ACOX3: variants seen among roughly 807,000 people sequenced by gnomAD.
ACOX3 encodes the protein acyl-CoA oxidase 3, pristanoyl.
In ACOX3, 73 loss-of-function variants were observed where a neutral mutation model predicts 81.5. The observed-to-expected ratio is 0.90, with a 90% CI of 0.74 to 1.09. The LOEUF (loss-of-function observed/expected upper bound fraction) is 1.09, where lower values mean the gene tolerates loss of function less well. ACOX3 is among the 50% of genes least tolerant of loss of function. The pLI is 0.00. For synonymous variants in ACOX3, 387 were observed against 375.1 expected, an observed-to-expected ratio of 1.03 and a Z score of -0.37; for missense variants, 947 against 928.0, an observed-to-expected ratio of 1.02 and a Z score of -0.27.
intron 17 of ACOX3, among the ~76,000 whole-genome samples, chr4:8,369,239 G>A (rs1419016616): frequency 1.3e-5 from 2 of 152,146 alleles, no homozygotes; most frequent in Non-Finnish European, 2.9e-5. Context: ...TGGCTCCAGT[G>A]TCCCTTCGAA....
downstream of ACOX3, among the ~76,000 whole-genome samples, chr4:8,363,148 T>A (rs977206953): frequency 3.3e-5 from 5 of 152,226 alleles, no homozygotes; most frequent in Non-Finnish European, 7.3e-5. Context: ...GAGGGATGGA[T>A]AATGTAAACA....
chr4:8,373,144 A>T (rs561260605), intron 16 of ACOX3, among the ~76,000 whole-genome samples: 5 of 152,234 alleles, frequency 3.3e-5, no homozygotes, highest in Non-Finnish European at 7.3e-5. Context: ...CCGAATGCTC[A>T]GAGAATTCTC....
At chr4:8,422,189 AG>A (rs889533129) in intron 1 of ACOX3, among the ~76,000 whole-genome samples, 12 of 152,072 alleles carry the variant, frequency 7.9e-5, no homozygotes, top group Non-Finnish European at 1.8e-4. Context: ...AGAAAGAGAG[AG>A]GGGGGAAGAA....
chr4:8,389,736 T>G lies in ACOX3; in HGVS notation c.1301-2A>C. 10 of 1,613,822 alleles carry G rather than the reference T, an allele frequency of 6.2e-6. No individual in the cohort carries two copies. The highest frequency in any genetic ancestry group is 7.6e-6 in the Non-Finnish European group (9 of 1,179,906). On this transcript the variant is annotated splice_acceptor_variant, in intron 11 of 17. Transcript: ENST00000356406. LOFTEE classifies it high-confidence loss of function. This position sits in a 1 kb window ranked among gnomAD's most constrained non-coding sequence, Gnocchi z 5.3. ...CTCTAAGGACACCCAACCGGTTCACTGCAACAAAGCCACAATAGTACCATC... is the reference window on the plus strand; with the variant it reads ...CTCTAAGGACACCCAACCGGTTCACGGCAACAAAGCCACAATAGTACCATC...
intron 8 of ACOX3, among the ~76,000 whole-genome samples, chr4:8,397,495 C>A (rs1719849975): frequency 6.6e-6 from 1 of 152,232 alleles, no homozygotes; most frequent in African/African-American, 2.4e-5. Flanking sequence ...GCCTGTACTG[C>A]CAGAGGGCAG....
At chr4:8,413,356 T>C (rs1238867888) in intron 5 of ACOX3, among the ~76,000 whole-genome samples, 2 of 130,090 alleles carry the variant, frequency 1.5e-5, no homozygotes, top group African/African-American at 6.0e-5. Context: ...CATCCATCTG[T>C]GGCCCATCTC....
In ACOX3 at chr4:8,382,085, A is replaced by G. The variant is rs769678180; in HGVS notation, c.1538-478T>C. 1.3e-5 allele frequency among the ~76,000 whole-genome samples: 2 copies of G among 152,022 alleles called. No homozygotes were observed. The highest frequency in any genetic ancestry group is 2.4e-5 in the African/African-American group (1 of 41,402). On this transcript the variant is annotated intron_variant, in intron 13 of 17. Transcript: ENST00000356406. The surrounding 1 kb of genome is among the most constrained non-coding windows in gnomAD (Gnocchi z 4.1). ...TCGCCTCCCCCTGCCTGGCCCTTGG[A>G]CCTCACCGCATGCTGGAGCTGTGGA...
At position 8,382,435 on chromosome 4, in the gene ACOX3, A is replaced by G. The variant is rs1204850822; in HGVS notation, c.1538-828T>C. On this transcript the variant is annotated intron_variant, in intron 13 of 17. Coordinates refer to ENST00000356406, the MANE Select transcript of ACOX3 (RefSeq NM_003501.3). The surrounding 1 kb of genome is among the most constrained non-coding windows in gnomAD (Gnocchi z 4.1). ...GACACGGGCCCAGGGACCCAGGTACATGGCGAGCATGTGAGGGAGGGGTGC... is the reference window on the plus strand; with the variant it reads ...GACACGGGCCCAGGGACCCAGGTACGTGGCGAGCATGTGAGGGAGGGGTGC... 6.6e-6 allele frequency among the ~76,000 whole-genome samples: 1 copy of G among 152,190 alleles called. No homozygotes were observed. Among genetic ancestry groups the G allele is most frequent in the Non-Finnish European group, 1.5e-5 (1 of 68,026 alleles).
At position 8,414,295 on chromosome 4, in the gene ACOX3, A is replaced by G. The variant is rs752288992; in HGVS notation, c.540T>C (p.Thr180=). 19 of 1,613,358 alleles carry G rather than the reference A, an allele frequency of 1.2e-5. No individual in the cohort carries two copies. In the South Asian group the frequency reaches 2.1e-4, roughly 18 times the overall value. ...CCCGGGGGAAGGTAATACCTACCTC[A>G]GTGGCAGGATCGTAGTGGGCAGTTG... is the stretch of plus-strand genomic sequence containing the variant. ...IRTTAHYDPA[T]EEFIIHSPDF... Residue 180 remains threonine, a synonymous_variant, in exon 5 of 18, where the codon ACT becomes ACC. Transcript: ENST00000356406. The surrounding 1 kb of genome is among the most constrained non-coding windows in gnomAD (Gnocchi z 6.1).
chr4:8,370,323 GA>G lies in ACOX3; in HGVS notation c.1983+584del, dbSNP rs764058021. ...GGCTGGGGCGTGGCAGGCAGTCGAG[GA>G]GGCTGGTGGAGGCTCCCTCAGGGGG... is the stretch of plus-strand genomic sequence containing the variant. On this transcript the variant is annotated intron_variant, in intron 17 of 17. Coordinates refer to ENST00000356406, the MANE Select transcript of ACOX3 (RefSeq NM_003501.3). This position sits in a 1 kb window ranked among gnomAD's most constrained non-coding sequence, Gnocchi z 6.3. Among the ~76,000 whole-genome samples the G allele has an allele frequency of 1.3e-5, 2 of 152,040 alleles. No homozygotes were observed. The highest frequency in any genetic ancestry group is 1.5e-5 in the Non-Finnish European group (1 of 68,002).
intron 1 of ACOX3, among the ~76,000 whole-genome samples, chr4:8,429,478 A>G (rs1392034528): frequency 6.6e-6 from 1 of 152,254 alleles, no homozygotes; most frequent in Non-Finnish European, 1.5e-5. Flanking sequence ...TTTGGGCGTT[A>G]TCAATCAGAC....
chr4:8,405,862 GC>G lies in ACOX3; in HGVS notation c.776+92del. On this transcript the variant is annotated intron_variant, in intron 7 of 17. Transcript: ENST00000356406. This position sits in a 1 kb window ranked among gnomAD's most constrained non-coding sequence, Gnocchi z 7.1. Reference sequence around the variant, plus strand: ...TTTGAGTCTAAGAGGGCAGGGCATGGCATCCATGGGGCCAGTGAGATCTCAG... The same window carrying G: ...TTTGAGTCTAAGAGGGCAGGGCATGGATCCATGGGGCCAGTGAGATCTCAG... 1 of 1,259,242 alleles carries G rather than the reference GC, an allele frequency of 7.9e-7. No homozygotes were observed. Among genetic ancestry groups the G allele is most frequent in the Non-Finnish European group, 1.2e-6 (1 of 860,418 alleles). 78.0% of individuals were successfully genotyped at this position (1,259,242 alleles called of 1,614,324 possible).
Position 8,370,781 on chromosome 4 carries a change from A to T in ACOX3, c.1983+127T>A, listed in dbSNP as rs1716086937. 3 of 789,318 alleles carry T rather than the reference A, an allele frequency of 3.8e-6. No individual in the cohort carries two copies. Among genetic ancestry groups the T allele is most frequent in the Non-Finnish European group, 6.2e-6 (3 of 487,556 alleles). The allele number at this position is 789,318 out of a possible 1,614,324, so 48.9% of individuals were successfully genotyped here. ...CCTGACTTGTCCCGGGCCCTCCCCA[A>T]GAAGCTCCTCCATGTGTGACCACTT... On this transcript the variant is annotated intron_variant, in intron 17 of 17. Transcript: ENST00000356406. The surrounding 1 kb of genome is among the most constrained non-coding windows in gnomAD (Gnocchi z 6.3).
At position 8,415,958 on chromosome 4, in the gene ACOX3, A is replaced by G. The variant is rs1047928488; in HGVS notation, c.186T>C (p.Ala62=). The change falls in exon 3 of 18, where the codon GCT becomes GCC. Residue 62 remains alanine (A), a synonymous_variant. Transcript: ENST00000356406. The part of the protein sequence containing the change: ...FSALENDPLF[A]RSPGADLSLE... Reference sequence around the variant, plus strand: ...AGGACAGATCGGCTCCAGGGGAACGAGCGAAAAGAGGGTCATTCTCAAGAG... The same window carrying G: ...AGGACAGATCGGCTCCAGGGGAACGGGCGAAAAGAGGGTCATTCTCAAGAG... 6.2e-7 allele frequency: 1 copy of G among 1,614,214 alleles called. No homozygotes were observed. The highest frequency in any genetic ancestry group is 1.1e-5 in the South Asian group (1 of 91,084).
intron 8 of ACOX3, among the ~76,000 whole-genome samples, chr4:8,398,974 C>T (rs1720033808): frequency 6.6e-6 from 1 of 152,222 alleles, no homozygotes; most frequent in Non-Finnish European, 1.5e-5. Context: ...CCCTGTGTGT[C>T]TCTGGGCATC....
intron 10 of ACOX3, among the ~76,000 whole-genome samples, chr4:8,393,637 G>GCACACACACA (rs10576121): frequency 6.9e-6 from 1 of 144,512 alleles, no homozygotes; most frequent in African/African-American, 2.5e-5. Context: ...ACACACACAC[G>GCACACACACA]CACACACACA....
In ACOX3 at chr4:8,396,995, C is replaced by G; in HGVS notation, c.998G>C (p.Arg333Pro). 2 of 1,611,776 alleles carry G rather than the reference C, an allele frequency of 1.2e-6. No individual in the cohort carries two copies. The highest frequency in any genetic ancestry group is 1.7e-4 in the Middle Eastern group (1 of 6,058). The change falls in exon 9 of 18, where the codon CGG becomes CCG. Residue 333 changes from arginine (R) to proline (P), a missense_variant. Transcript: ENST00000356406. Reference sequence around the variant, plus strand: ...CTCCTCTGTGGGTCCAAACTGACGCCGAGTGGCTGAGAAGCGAAGAGCGAT... The same window carrying G: ...CTCCTCTGTGGGTCCAAACTGACGCGGAGTGGCTGAGAAGCGAAGAGCGAT... ...VAIALRFSAT[R>P]RQFGPTEEEE...
rs1289214403 is a variant in ACOX3 at position 8,430,468 on chromosome 4, A to G, written c.-15+10180T>C. On this transcript the variant is annotated intron_variant, in intron 1 of 17. Coordinates refer to ENST00000356406, the MANE Select transcript of ACOX3 (RefSeq NM_003501.3). This position sits in a 1 kb window ranked among gnomAD's most constrained non-coding sequence, Gnocchi z 5.2. ...TACTGTTGAGAGTAATAAAATAACCATTTATTGCAGAACTCACACCTCCTT... is the reference window on the plus strand; with the variant it reads ...TACTGTTGAGAGTAATAAAATAACCGTTTATTGCAGAACTCACACCTCCTT... 6.6e-6 allele frequency among the ~76,000 whole-genome samples: 1 copy of G among 152,242 alleles called. No homozygotes were observed. The highest frequency in any genetic ancestry group is 1.5e-5 in the Non-Finnish European group (1 of 68,032).
chr4:8,406,215 T>TG lies in ACOX3; in HGVS notation c.688-173dup, dbSNP rs1418246403. 6.6e-6 allele frequency among the ~76,000 whole-genome samples: 1 copy of TG among 152,212 alleles called. No individual in the cohort carries two copies. Among genetic ancestry groups the TG allele is most frequent in the Non-Finnish European group, 1.5e-5 (1 of 68,042 alleles). ...AAGTCCTAACCCCAGGACCTGGGAA[T>TG]GGAAGCTTATTTGGAAATAGGGTCC... On this transcript the variant is annotated intron_variant, in intron 6 of 17. Coordinates refer to ENST00000356406, the MANE Select transcript of ACOX3 (RefSeq NM_003501.3). This position sits in a 1 kb window ranked among gnomAD's most constrained non-coding sequence, Gnocchi z 5.6.
Sources: gnomAD v4.1 joint callset for allele counts (sites outside exome capture counted in the v4.1 genomes callset) on GRCh38, gnomAD v4.1.1 for gene constraint, Gnocchi (gnomAD v3.1) non-coding constraint, MANE v1.5 for transcripts, NCBI Gene and HGNC (gene_info 2026-07-23, HGNC 2026-07-21) for gene names.